PSMD14: variants seen among roughly 807,000 people sequenced by gnomAD.
PSMD14 encodes proteasome 26S subunit, non-ATPase 14.
A neutral mutation model predicts 41.2 loss-of-function variants in PSMD14; 7 were observed. The ratio of observed to expected loss-of-function variants is 0.17; its 90% CI spans 0.10 to 0.32. The LOEUF (loss-of-function observed/expected upper bound fraction) is 0.32. PSMD14 is among the 10% of genes least tolerant of loss of function. PSMD14 has a pLI of 1.00. For missense variants in PSMD14, 139 were observed against 375.6 expected (o/e 0.37, Z 5.21); for synonymous variants, 114 against 122.3 (o/e 0.93, Z 0.45).
chr2:161,354,034 A>G (rs1022870989), intron 3 of PSMD14, among the ~76,000 whole-genome samples: 1 of 152,204 alleles, frequency 6.6e-6, no homozygotes, highest in Non-Finnish European at 1.5e-5. Flanking sequence ...AGTATTTTCA[A>G]AAGGGCCACT....
intron 10 of PSMD14, among the ~76,000 whole-genome samples, chr2:161,404,309 G>C (rs1245300466): frequency 6.6e-6 from 1 of 152,094 alleles, no homozygotes; most frequent in East Asian, 1.9e-4. Flanking sequence ...CAGATAAATG[G>C]TAGATGCTCA....
At chr2:161,375,044 T>C (rs1683485036) in intron 7 of PSMD14, among the ~76,000 whole-genome samples, 1 of 152,032 alleles carries the variant, frequency 6.6e-6, no homozygotes, top group Non-Finnish European at 1.5e-5. Flanking sequence ...TTAGGTTTTC[T>C]TGAAGCATTT....
chr2:161,411,094 TTG>T (rs1684016798), intron 11 of PSMD14, among the ~76,000 whole-genome samples: 1 of 152,142 alleles, frequency 6.6e-6, no homozygotes, highest in African/African-American at 2.4e-5. Flanking sequence ...CAAGCTTTCA[TTG>T]TGTAATCTAT....
chr2:161,369,354 T>A (rs987715547), intron 5 of PSMD14, among the ~76,000 whole-genome samples: 1 of 152,060 alleles, frequency 6.6e-6, no homozygotes, highest in Admixed American at 6.6e-5. Flanking sequence ...CATATTCTTC[T>A]TCTTTTTTAA....
chr2:161,314,253 C>T (rs1252983578), intron 1 of PSMD14, among the ~76,000 whole-genome samples: 1 of 152,296 alleles, frequency 6.6e-6, no homozygotes, highest in Middle Eastern at 3.4e-3. Context: ...TGACACATCT[C>T]TTTAGAAAAC....
intron 10 of PSMD14, among the ~76,000 whole-genome samples, chr2:161,400,870 A>C (rs1042753629): frequency 2.0e-5 from 3 of 152,100 alleles, no homozygotes; most frequent in Non-Finnish European, 4.4e-5. Context: ...AAAAAAAAAA[A>C]CAAGGTATGT....
At chr2:161,353,216 T>C (rs1358685587) in intron 3 of PSMD14, among the ~76,000 whole-genome samples, 1 of 152,200 alleles carries the variant, frequency 6.6e-6, no homozygotes, top group Non-Finnish European at 1.5e-5. Flanking sequence ...AAATATGTCA[T>C]CTTATCCTTC....
intron 3 of PSMD14, among the ~76,000 whole-genome samples, chr2:161,357,049 T>C (rs1683216772): frequency 1.4e-5 from 2 of 145,692 alleles, no homozygotes; most frequent in African/African-American, 5.1e-5. Context: ...GAGGCATTAG[T>C]TTTTATGCTG....
At chr2:161,338,880 A>T (rs1250320871) in intron 3 of PSMD14, among the ~76,000 whole-genome samples, 2 of 152,150 alleles carry the variant, frequency 1.3e-5, no homozygotes, top group African/African-American at 2.4e-5. Context: ...ATTTTCTAGC[A>T]TGTTAATCAG....
At position 161,388,863 on chromosome 2, in the gene PSMD14, C is replaced by A. The variant is rs142612651; in HGVS notation, c.571-2241C>A. Among the ~76,000 whole-genome samples, 310 of 152,138 alleles carry A rather than the reference C, an allele frequency of 2.0e-3. 7 individuals carry two copies. The highest frequency in any genetic ancestry group is 0.018 in the Admixed American group (268 of 15,274). On this transcript the variant is annotated intron_variant, in intron 8 of 11. Transcript: ENST00000409682. ...AGCAGTGAGTGCATAGAGGTAAAAT[C>A]ATAAGTCAGTTGGTCTTGTGTAGTT... is the stretch of plus-strand genomic sequence containing the variant.
chr2:161,389,889 G>GCTGTTTTTTTT (rs1683685764), intron 8 of PSMD14, among the ~76,000 whole-genome samples: 3 of 20,042 alleles, frequency 1.5e-4, no homozygotes, highest in African/African-American at 4.6e-4. Context: ...CTTTTTTGTT[G>GCTGTTTTTTTT]TTTTTTTTTT....
chr2:161,352,490 C>G (rs1683133422), intron 3 of PSMD14, among the ~76,000 whole-genome samples: 1 of 152,172 alleles, frequency 6.6e-6, no homozygotes, highest in Admixed American at 6.5e-5. Context: ...TAAACTACAC[C>G]AAGTTACAAT....
Position 161,386,659 on chromosome 2 carries a change from A to G in PSMD14, c.570+1088A>G, listed in dbSNP as rs1046950969. Among the ~76,000 whole-genome samples the G allele has an allele frequency of 4.6e-5, 7 of 151,902 alleles. No individual in the cohort carries two copies. The East Asian group carries it at 1.4e-3, about 29-fold the overall frequency. On this transcript the variant is annotated intron_variant, in intron 8 of 11. Coordinates refer to ENST00000409682, the MANE Select transcript of PSMD14 (RefSeq NM_005805.6). ...TGGGTACAGACAAGCCTGTACTTGC[A>G]TGTTCCAAGAGAATATATTATTGGA...
At chr2:161,397,629 C>G (rs1683819602) in intron 10 of PSMD14, among the ~76,000 whole-genome samples, 1 of 152,054 alleles carries the variant, frequency 6.6e-6, no homozygotes, top group Admixed American at 6.5e-5. Flanking sequence ...AAAATAAATA[C>G]ATCTTAAAAA....
chr2:161,367,543 G>A lies in PSMD14; in HGVS notation c.114G>A (p.Leu38=). The part of the protein sequence containing the change: ...AEQVYISSLA[L]LKMLKHGRAG... ...AAGTCTATATCTCTTCCCTGGCACT[G>A]TTAAAAGTAGGTAATGAATGTAGTT... Residue 38 remains leucine (L), a synonymous_variant, in exon 4 of 12, where the codon CTG becomes CTA. Transcript: ENST00000409682. The A allele has an allele frequency of 6.3e-7, 1 of 1,597,450 alleles. No homozygotes were observed. The highest frequency in any genetic ancestry group is 8.5e-7 in the Non-Finnish European group (1 of 1,171,036).
chr2:161,327,221 A>C (rs1251612989), intron 3 of PSMD14, among the ~76,000 whole-genome samples: 2 of 152,150 alleles, frequency 1.3e-5, no homozygotes, highest in African/African-American at 4.8e-5. Flanking sequence ...AAGAGGAGAG[A>C]ATAGGGAGTT....
chr2:161,349,012 A>G (rs115224838), intron 3 of PSMD14, among the ~76,000 whole-genome samples: 352 of 152,296 alleles, frequency 2.3e-3, no homozygotes, highest in Non-Finnish European at 4.2e-3. Flanking sequence ...TCTCACTCCC[A>G]GAGAGGCATC....
rs1217117170 is a variant in PSMD14 at position 161,411,464 on chromosome 2, A to G, written c.*64A>G. The G allele has an allele frequency of 2.5e-6, 3 of 1,189,836 alleles. No homozygotes were observed. The highest frequency in any genetic ancestry group is 3.1e-5 in the African/African-American group (2 of 64,074). 73.7% of individuals were successfully genotyped at this position (1,189,836 alleles called of 1,614,324 possible). On this transcript the variant is annotated 3_prime_UTR_variant, in exon 12 of 12. Coordinates refer to ENST00000409682, the MANE Select transcript of PSMD14 (RefSeq NM_005805.6). ...ATTCCTCTGTTGTTCCTAATGCTCAAAATCAAGGGACCTCTGAAGGTGTAC... is the reference window on the plus strand; with the variant it reads ...ATTCCTCTGTTGTTCCTAATGCTCAGAATCAAGGGACCTCTGAAGGTGTAC...
intron 5 of PSMD14, among the ~76,000 whole-genome samples, chr2:161,369,257 C>T (rs1014769553): frequency 2.0e-4 from 31 of 151,934 alleles, no homozygotes; most frequent in Middle Eastern, 3.2e-3. Flanking sequence ...CACTCTAATT[C>T]TATTTTCTAG....
Sources: gnomAD v4.1 joint callset for allele counts (sites outside exome capture counted in the v4.1 genomes callset) on GRCh38, gnomAD v4.1.1 for gene constraint, MANE v1.5 for transcripts, NCBI Gene and HGNC (gene_info 2026-07-23, HGNC 2026-07-21) for gene names.